The following SDK1 variants were observed in gnomAD, a reference collection of about 807,000 sequenced individuals.
The protein encoded by SDK1 is protein sidekick-1.
In SDK1, 157 loss-of-function variants were observed where a neutral mutation model predicts 245.5. That is an observed-to-expected ratio of 0.64 (90% CI 0.56 to 0.73). The LOEUF (loss-of-function observed/expected upper bound fraction) is 0.73. Among genes scored for constraint, SDK1 ranks in the 30% least tolerant of loss-of-function variants. SDK1 has a pLI of 0.00. For missense variants in SDK1, 3,583 were observed against 3,002.3 expected, an observed-to-expected ratio of 1.19 and a Z score of -4.52; for synonymous variants, 1,647 against 1,278.5, an observed-to-expected ratio of 1.29 and a Z score of -6.15.
intron 22 of SDK1, among the ~76,000 whole-genome samples, chr7:4,081,460 G>T (rs1044833947): frequency 6.6e-6 from 1 of 150,766 alleles, no homozygotes; most frequent in Non-Finnish European, 1.5e-5. Context: ...TTGCTCTGTC[G>T]CCAAGCTGGA....
rs200133318 is a variant in SDK1, at chr7:3,540,694, CTG to C, written c.299-78383_299-78382del. Among the ~76,000 whole-genome samples, 124 of 152,290 alleles carry C rather than the reference CTG, an allele frequency of 8.1e-4. 1 individual carries two copies. The East Asian group carries it at 0.023, about 28-fold the overall frequency. On this transcript the variant is annotated intron_variant, in intron 1 of 44. Transcript: ENST00000404826. ...GGGTCTGACACAAGCATGGTGCAGT[CTG>C]TGACACTGGTATCACTTGGACCAAA...
At chr7:4,240,649 T>C (rs1421277033) in intron 42 of SDK1, among the ~76,000 whole-genome samples, 1 of 152,146 alleles carries the variant, frequency 6.6e-6, no homozygotes, top group Non-Finnish European at 1.5e-5. Context: ...AAGCCCCTGG[T>C]ATGTGTGTAG....
chr7:3,562,552 A>G (rs76669626), intron 1 of SDK1, among the ~76,000 whole-genome samples: 2 of 152,214 alleles, frequency 1.3e-5, no homozygotes, highest in African/African-American at 2.4e-5. Flanking sequence ...TATAGTGGCT[A>G]AGTAGACGGG....
At chr7:3,939,514 A>G (rs1780279006) in intron 5 of SDK1, among the ~76,000 whole-genome samples, 2 of 152,178 alleles carry the variant, frequency 1.3e-5, no homozygotes, top group South Asian at 4.1e-4. Context: ...TTCAGTTTCC[A>G]CAATAAAGTG....
At chr7:3,619,309 A>T in intron 2 of SDK1, 70 bp downstream of exon 2, 1 of 1,302,926 alleles carries the variant, frequency 7.7e-7, no homozygotes, top group Non-Finnish European at 1.1e-6. Flanking sequence ...CTTACTGGTC[A>T]TAATAGCACA....
At chr7:3,971,042 A>G (rs781157905) in intron 11 of SDK1, among the ~76,000 whole-genome samples, 1 of 152,194 alleles carries the variant, frequency 6.6e-6, no homozygotes, top group Non-Finnish European at 1.5e-5. Context: ...AGCCCTCACA[A>G]GAGTGTCTTG....
intron 4 of SDK1, among the ~76,000 whole-genome samples, chr7:3,796,524 C>G (rs553541228): frequency 2.3e-4 from 35 of 152,130 alleles, no homozygotes; most frequent in Admixed American, 8.5e-4. Flanking sequence ...CCCTCTCCCC[C>G]CCAGCCTACA....
intron 1 of SDK1, among the ~76,000 whole-genome samples, chr7:3,322,203 C>G (rs1779835008): frequency 6.6e-6 from 1 of 152,090 alleles, no homozygotes; most frequent in South Asian, 2.1e-4. Context: ...TGTTCTGCTT[C>G]TATGGATTTA....
chr7:3,988,742 C>G (rs1784063887), intron 14 of SDK1, among the ~76,000 whole-genome samples: 1 of 152,134 alleles, frequency 6.6e-6, no homozygotes, highest in African/African-American at 2.4e-5. Flanking sequence ...AAGAAGCTCT[C>G]CAGCACGCCA....
chr7:4,063,610 CA>C (rs1187059770), intron 19 of SDK1, among the ~76,000 whole-genome samples: 1 of 137,986 alleles, frequency 7.2e-6, no homozygotes, highest in Non-Finnish European at 1.6e-5. Flanking sequence ...AAAAAAAAAA[CA>C]AAAAACCCCG....
At chr7:4,123,058 G>A (rs1784169316) in intron 25 of SDK1, among the ~76,000 whole-genome samples, 1 of 152,178 alleles carries the variant, frequency 6.6e-6, no homozygotes, top group Non-Finnish European at 1.5e-5. Context: ...CCAGGGACGG[G>A]GTTGGCTCTC....
At chr7:3,678,207 G>A (rs542538965) in intron 4 of SDK1, among the ~76,000 whole-genome samples, 4 of 152,200 alleles carry the variant, frequency 2.6e-5, no homozygotes, top group Middle Eastern at 3.2e-3. Context: ...TTTAGCCACC[G>A]TGGAAGACCG....
intron 1 of SDK1, among the ~76,000 whole-genome samples, chr7:3,520,325 C>G (rs1239905784): frequency 6.6e-6 from 1 of 152,130 alleles, no homozygotes; most frequent in Non-Finnish European, 1.5e-5. Flanking sequence ...GGTTGTCAAC[C>G]TAGGTAAGAA....
chr7:3,981,410 C>T (rs552516863), intron 13 of SDK1, among the ~76,000 whole-genome samples: 2 of 152,244 alleles, frequency 1.3e-5, no homozygotes, highest in East Asian at 3.9e-4. Context: ...CTGCAAAGGC[C>T]TCTGAGTGTC....
chr7:3,548,145 A>G (rs141725296), intron 1 of SDK1, among the ~76,000 whole-genome samples: 388 of 152,314 alleles, frequency 2.5e-3, no homozygotes, highest in African/African-American at 9.1e-3. Flanking sequence ...AGTTGTTGAA[A>G]TGCATCAGTT....
At chr7:4,019,708 C>G (rs1583847348) in intron 17 of SDK1, among the ~76,000 whole-genome samples, 1 of 152,174 alleles carries the variant, frequency 6.6e-6, no homozygotes, top group South Asian at 2.1e-4. Context: ...CCATCCTTCC[C>G]TCACTTGGGT....
intron 17 of SDK1, among the ~76,000 whole-genome samples, chr7:4,028,678 C>T (rs1208788024): frequency 6.6e-6 from 1 of 152,226 alleles, no homozygotes; most frequent in East Asian, 1.9e-4. Flanking sequence ...CTCTGGAGGA[C>T]AGGCTGGGAA....
chr7:3,573,193 G>C (rs1487104573), intron 1 of SDK1, among the ~76,000 whole-genome samples: 1 of 152,102 alleles, frequency 6.6e-6, no homozygotes, highest in African/African-American at 2.4e-5. Context: ...GATTACCCTG[G>C]TCTCAGAGTG....
chr7:3,493,307 A>G (rs899406144), intron 1 of SDK1, among the ~76,000 whole-genome samples: 8 of 152,164 alleles, frequency 5.3e-5, no homozygotes, highest in Admixed American at 4.6e-4. Context: ...CCCTTCATCT[A>G]ACTGTCCATT....
Sources: gnomAD v4.1 joint callset for allele counts (sites outside exome capture counted in the v4.1 genomes callset) on GRCh38, gnomAD v4.1.1 for gene constraint, MANE v1.5 for transcripts, NCBI Gene and HGNC (gene_info 2026-07-23, HGNC 2026-07-21) for gene names.